GSN: variants seen among roughly 807,000 people sequenced by gnomAD.
GSN encodes the protein gelsolin.
Under a neutral mutation model 85.7 loss-of-function variants are expected in GSN, and 56 were observed. The observed-to-expected ratio is 0.65, with a 90% confidence interval of 0.53 to 0.82. The LOEUF (loss-of-function observed/expected upper bound fraction) is 0.82. Among genes scored for constraint, GSN ranks in the 40% least tolerant of loss-of-function variants. GSN has a pLI of 0.00. For synonymous variants in GSN, 373 were observed against 399.1 expected (o/e 0.93, Z 0.78); for missense variants, 857 against 979.8 (o/e 0.87, Z 1.67).
intron 2 of GSN, among the ~76,000 whole-genome samples, chr9:121,289,247 T>C (rs542937716): frequency 8.6e-5 from 13 of 152,000 alleles, no homozygotes; most frequent in Non-Finnish European, 1.5e-5. Context: ...AGCGGAGTGG[T>C]GGCCAGAGTA....
Position 121,236,517 on chromosome 9 carries a change from T to C in GSN, c.-389+5214T>C, listed in dbSNP as rs199539161. 1.4e-4 allele frequency among the ~76,000 whole-genome samples: 22 copies of C among 152,290 alleles called. No individual in the cohort carries two copies. In the East Asian group the frequency reaches 4.2e-3, roughly 29 times the overall value. On this transcript the variant is annotated intron_variant, in intron 5 of 24. Transcript: ENST00000373823. ...CATGAGCCACCATGCCCGGCCAACA[T>C]GTATTTTCATTTATATCCAAATATC...
At chr9:121,204,959 G>T (rs993353979), upstream of GSN, among the ~76,000 whole-genome samples, 12 of 152,160 alleles carry the variant, frequency 7.9e-5, no homozygotes, top group African/African-American at 2.9e-4. Context: ...CATTGAGAGG[G>T]GTTTATTCCA....
At chr9:121,264,143 C>T (rs756356150), upstream of GSN, among the ~76,000 whole-genome samples, 3 of 152,114 alleles carry the variant, frequency 2.0e-5, no homozygotes, top group Admixed American at 6.5e-5. Flanking sequence ...AGCCTTAATA[C>T]AGCTGGGTGT....
chr9:121,259,102 G>A (rs1190710511), intron 6 of GSN, among the ~76,000 whole-genome samples: 1 of 152,168 alleles, frequency 6.6e-6, no homozygotes, highest in Non-Finnish European at 1.5e-5. Flanking sequence ...GTGTATTGAG[G>A]GTCTGATCTG....
intron 2 of GSN, chr9:121,297,799 A>G (rs117248291): frequency 1.3e-5 from 2 of 152,324 alleles, no homozygotes; most frequent in East Asian, 1.9e-4. Flanking sequence ...TCTTCAAACA[A>G]TGCTTCAGTG....
chr9:121,330,321 C>G (rs755931478), intron 16 of GSN, among the ~76,000 whole-genome samples: 5 of 152,132 alleles, frequency 3.3e-5, no homozygotes, highest in Non-Finnish European at 5.9e-5. Context: ...ACTTGTAAAC[C>G]CAGCACTTTG....
At chr9:121,259,363 C>T (rs959872595) in intron 6 of GSN, among the ~76,000 whole-genome samples, 3 of 152,120 alleles carry the variant, frequency 2.0e-5, no homozygotes, top group Non-Finnish European at 2.9e-5. Context: ...TGTGAAACCA[C>T]GGAGGGGCTG....
At chr9:121,326,723 C>G (rs1458597238) in intron 13 of GSN, 41 bp downstream of exon 13, 3 of 1,522,918 alleles carry the variant, frequency 2.0e-6, no homozygotes, top group Non-Finnish European at 2.7e-6. Flanking sequence ...ATTGGCCTCC[C>G]TGAAACCTCC....
chr9:121,285,558 T>C (rs76098787), intron 2 of GSN: 5,329 of 164,584 alleles, frequency 0.032, 149 homozygotes, highest in Non-Finnish European at 0.054. Flanking sequence ...AAAAAATTAT[T>C]AATCTTGGAC....
In GSN at chr9:121,327,594, C is replaced by T. The variant is rs558159976; in HGVS notation, c.1762+112C>T. Reference sequence around the variant, plus strand: ...CCTCCCCTCCATCCCACCTGAGGGCCTGTCCCCTAATGTATGTTAAATAAA... The same window carrying T: ...CCTCCCCTCCATCCCACCTGAGGGCTTGTCCCCTAATGTATGTTAAATAAA... On this transcript the variant is annotated intron_variant, in intron 14 of 17. Coordinates refer to ENST00000432226, the MANE Select transcript of GSN (RefSeq NM_198252.3). The T allele has an allele frequency of 4.3e-5, 36 of 832,420 alleles. No homozygotes were observed. The South Asian group carries it at 5.3e-4, about 12-fold the overall frequency. The allele number at this position is 832,420 out of a possible 1,614,324, so 51.6% of individuals were successfully genotyped here. A position where few individuals can be genotyped will look rare whatever the true frequency, so the allele number is the denominator to read the frequency against.
intron 2 of GSN, among the ~76,000 whole-genome samples, chr9:121,293,704 A>G (rs1401808422): frequency 2.0e-5 from 3 of 151,956 alleles, no homozygotes; most frequent in Non-Finnish European, 4.4e-5. Context: ...TCTCAAAAAA[A>G]AAAAAAAAAA....
chr9:121,292,324 C>G (rs2058773458), intron 2 of GSN, among the ~76,000 whole-genome samples: 1 of 152,184 alleles, frequency 6.6e-6, no homozygotes, highest in African/African-American at 2.4e-5. Flanking sequence ...GCTTGAGGCC[C>G]TCTCCTGAGA....
intron 4 of GSN, chr9:121,222,963 G>A (rs902149884): frequency 6.6e-6 from 1 of 152,156 alleles, no homozygotes; most frequent in African/African-American, 2.4e-5. Context: ...TTCCCTTTGG[G>A]TGCGTTGTCT....
intron 1 of GSN, among the ~76,000 whole-genome samples, chr9:121,278,364 G>A (rs911476631): frequency 2.6e-5 from 4 of 152,168 alleles, no homozygotes; most frequent in African/African-American, 9.7e-5. Flanking sequence ...TTAATGGACA[G>A]ATATCATGTT....
At chr9:121,266,341 G>C (rs1301069869), upstream of GSN, among the ~76,000 whole-genome samples, 1 of 152,192 alleles carries the variant, frequency 6.6e-6, no homozygotes, top group Non-Finnish European at 1.5e-5. Flanking sequence ...GGCTGGAAAT[G>C]ATATGTTAGA....
chr9:121,301,424 C>T (rs2059825918), intron 2 of GSN, among the ~76,000 whole-genome samples: 1 of 152,088 alleles, frequency 6.6e-6, no homozygotes, highest in African/African-American at 2.4e-5. Context: ...GTCAGGAGTT[C>T]CAGACCAGCC....
chr9:121,249,431 C>T (rs764646866), intron 6 of GSN, among the ~76,000 whole-genome samples: 1 of 152,108 alleles, frequency 6.6e-6, no homozygotes, highest in Non-Finnish European at 1.5e-5. Flanking sequence ...GAGCCATGAT[C>T]GTGCCACTGC....
chr9:121,300,454 T>G (rs2059712480), intron 2 of GSN, among the ~76,000 whole-genome samples: 1 of 152,144 alleles, frequency 6.6e-6, no homozygotes, highest in South Asian at 2.1e-4. Context: ...TTATCATTTC[T>G]TCTCTCCTTT....
intron 4 of GSN, among the ~76,000 whole-genome samples, chr9:121,218,698 C>CGT (rs2054113475): frequency 6.6e-6 from 1 of 152,168 alleles, no homozygotes; most frequent in Non-Finnish European, 1.5e-5. Flanking sequence ...CCATTGGTTA[C>CGT]AGGAGCTTGT....
Sources: gnomAD v4.1 joint callset for allele counts (sites outside exome capture counted in the v4.1 genomes callset) on GRCh38, gnomAD v4.1.1 for gene constraint, MANE v1.5 for transcripts, NCBI Gene and HGNC (gene_info 2026-07-23, HGNC 2026-07-21) for gene names.